Variants in HFM1 observed in about 807,000 individuals in gnomAD.
HFM1 encodes helicase for meiosis 1, also known as probable ATP-dependent DNA helicase HFM1.
Under a neutral mutation model 192.1 loss-of-function variants are expected in HFM1, and 169 were observed. That is an observed-to-expected ratio of 0.88 (90% CI 0.78 to 1.00). HFM1 has a LOEUF of 1.00. Among genes scored for constraint, HFM1 ranks in the 50% least tolerant of loss-of-function variants. The probability of loss-of-function intolerance (pLI) is 0.00; values close to 1 mark genes in which losing one functional copy is unlikely to be tolerated. For synonymous variants in HFM1, 525 were observed against 537.8 expected (o/e 0.98, Z 0.33); for missense variants, 1,661 against 1,668.0 (o/e 1.00, Z 0.07).
chr1:91,401,774 A>G (rs1664331941), intron 1 of HFM1, among the ~76,000 whole-genome samples: 1 of 152,210 alleles, frequency 6.6e-6, no homozygotes, highest in African/African-American at 2.4e-5. Flanking sequence ...GTTAATGCAT[A>G]TACTACACAC....
intron 28 of HFM1, 40 bp from the exon 29 acceptor site, chr1:91,314,100 A>T (rs1650865404): frequency 1.7e-6 from 2 of 1,171,744 alleles, no homozygotes; most frequent in African/African-American, 3.0e-5. Flanking sequence ...CCAAACACTG[A>T]ATGAAATACA....
In HFM1 at chr1:91,370,588, T is replaced by C. The variant is rs559879379; in HGVS notation, c.1685+4770A>G. 2.3e-3 allele frequency among the ~76,000 whole-genome samples: 357 copies of C among 152,290 alleles called. 2 individuals are homozygous for C. The Middle Eastern group carries it at 0.024, about 10-fold the overall frequency. ...ATAAATTAGGTATTGATTGGATGTA[T>C]CTCAAAATAATAAGAGCTATCTATG... is the stretch of plus-strand genomic sequence containing the variant. On this transcript the variant is annotated intron_variant, in intron 13 of 38. Transcript: ENST00000370425.
chr1:91,267,815 C>G lies in HFM1; in HGVS notation c.3813G>C (p.Trp1271Cys). The G allele has an allele frequency of 6.3e-7, 1 of 1,580,778 alleles. No individual in the cohort carries two copies. Among genetic ancestry groups the G allele is most frequent in the South Asian group, 1.2e-5 (1 of 84,726 alleles). Reference sequence around the variant, plus strand: ...CTAAGTTTTCATCATCAAAATCATCCCAAACTTCATTTCCCAATTCAAAGT... The same window carrying G: ...CTAAGTTTTCATCATCAAAATCATCGCAAACTTCATTTCCCAATTCAAAGT... ...NVNFELGNEV[W>C]DDFDDENLEV... Residue 1271 changes from tryptophan to cysteine, a missense_variant, in exon 35 of 39, where the codon TGG becomes TGC. Physicochemically the swap from Trp to Cys is radical, Grantham distance 215. Coordinates refer to ENST00000370425, the MANE Select transcript of HFM1 (RefSeq NM_001017975.6).
At chr1:91,365,305 T>C (rs374804798) in intron 13 of HFM1, among the ~76,000 whole-genome samples, 14 of 152,096 alleles carry the variant, frequency 9.2e-5, no homozygotes, top group Admixed American at 6.5e-4. Flanking sequence ...ATAAAGACTA[T>C]AGTTAATAAA....
At chr1:91,351,164 G>C (rs766313700) in intron 17 of HFM1, among the ~76,000 whole-genome samples, 1 of 151,624 alleles carries the variant, frequency 6.6e-6, no homozygotes, top group Non-Finnish European at 1.5e-5. Flanking sequence ...TTTACTAATA[G>C]GTTCCAGATT....
At chr1:91,292,173 T>C (rs921651530) in intron 30 of HFM1, among the ~76,000 whole-genome samples, 6 of 151,180 alleles carry the variant, frequency 4.0e-5, no homozygotes, top group African/African-American at 1.2e-4. Context: ...ACCACTCCTA[T>C]TCAACATAGT....
At chr1:91,403,627 G>A (rs572242939) in intron 1 of HFM1, among the ~76,000 whole-genome samples, 6 of 152,136 alleles carry the variant, frequency 3.9e-5, no homozygotes, top group Non-Finnish European at 7.4e-5. Context: ...TTTAGTTTCA[G>A]CACGTGGCAC....
In HFM1 at chr1:91,277,032, C is replaced by T. The variant is rs779320203; in HGVS notation, c.3422G>A (p.Arg1141Gln). 13 of 1,596,262 alleles carry T rather than the reference C, an allele frequency of 8.1e-6. No individual in the cohort carries two copies. Among genetic ancestry groups the T allele is most frequent in the Admixed American group, 3.5e-5 (2 of 57,944 alleles). The change falls in exon 31 of 39, where the codon CGA (arginine) becomes CAA (glutamine). Residue 1141 changes from arginine to glutamine, a missense_variant. By Grantham distance (43) the Arg-to-Gln change is conservative (BLOSUM62 1). Coordinates refer to ENST00000370425, the MANE Select transcript of HFM1 (RefSeq NM_001017975.6). The part of the protein sequence containing the change: ...GTTASKKPGN[R>Q]ECNHLCKSKH... ...ACTTTTACAAAGATGATTGCATTCT[C>T]GGTTCCCAGGTTTTTTGCTGGCAGT...
rs572098735 is a variant in HFM1, at chr1:91,344,656, G to A, written c.2255-1146C>T. On this transcript the variant is annotated intron_variant, in intron 19 of 38. Coordinates refer to ENST00000370425, the MANE Select transcript of HFM1 (RefSeq NM_001017975.6). ...AAACATAAGGCTAAGAACCTATATAGAATGACTGTGTAATTTTAAATCTTT... is the reference window on the plus strand; with the variant it reads ...AAACATAAGGCTAAGAACCTATATAAAATGACTGTGTAATTTTAAATCTTT... 0.013 allele frequency among the ~76,000 whole-genome samples: 6 copies of A among 480 alleles called. No homozygotes were observed. The South Asian group carries it at 0.5, about 40-fold the overall frequency. The allele number at this position is 480 out of a possible 152,430, so 0.3% of individuals were successfully genotyped here.
intron 36 of HFM1, among the ~76,000 whole-genome samples, chr1:91,263,369 C>T (rs529441003): frequency 8.5e-5 from 13 of 152,188 alleles, no homozygotes; most frequent in Admixed American, 3.3e-4. Context: ...ATCACATATA[C>T]TGATAGAATT....
At chr1:91,394,430 A>G in intron 3 of HFM1, 28 bp from the exon 4 acceptor site, 1 of 1,243,776 alleles carries the variant, frequency 8.0e-7, no homozygotes, top group Non-Finnish European at 1.1e-6. Flanking sequence ...CTTAATTATT[A>G]CATGTTCTCC....
At chr1:91,343,230 CAAA>C (rs34902756) in intron 20 of HFM1, among the ~76,000 whole-genome samples, 197 bp downstream of exon 20, 6 of 74,912 alleles carry the variant, frequency 8.0e-5, no homozygotes, top group African/African-American at 2.2e-4. Flanking sequence ...GACTCTGTCT[CAAA>C]AAAAAAAAAA....
intron 30 of HFM1, among the ~76,000 whole-genome samples, chr1:91,295,367 G>T (rs1438373718): frequency 1.3e-5 from 2 of 152,166 alleles, no homozygotes; most frequent in Non-Finnish European, 2.9e-5. Context: ...CCAAGATCAA[G>T]GTGTTGGTAG....
chr1:91,385,109 CAA>C, intron 6 of HFM1, 76 bp downstream of exon 6: 1 of 917,240 alleles, frequency 1.1e-6, no homozygotes, highest in Non-Finnish European at 1.7e-6. Flanking sequence ...CCAAAATAAA[CAA>C]ACACAATTAA....
intron 25 of HFM1, 96 bp from the exon 26 acceptor site, chr1:91,316,572 ATTTT>A: frequency 2.1e-6 from 1 of 465,178 alleles, no homozygotes; most frequent in Non-Finnish European, 3.6e-6. Context: ...AAAAAAAAAA[ATTTT>A]AAGATCCAGT....
chr1:91,305,493 C>T (rs1649462813), intron 30 of HFM1, among the ~76,000 whole-genome samples: 1 of 152,084 alleles, frequency 6.6e-6, no homozygotes, highest in Admixed American at 6.5e-5. Context: ...ATTCCAACAG[C>T]ATGTCTATAG....
chr1:91,288,995 A>C (rs1570796597), intron 30 of HFM1, among the ~76,000 whole-genome samples: 1 of 145,680 alleles, frequency 6.9e-6, no homozygotes, highest in African/African-American at 2.6e-5. Context: ...GCGGCTGGTC[A>C]GGTGGGGGCT....
chr1:91,319,360 G>A lies in HFM1; in HGVS notation c.2613C>T (p.Pro871=), dbSNP rs1651736174. 6.2e-7 allele frequency: 1 copy of A among 1,612,370 alleles called. No individual in the cohort carries two copies. Among genetic ancestry groups the A allele is most frequent in the South Asian group, 1.1e-5 (1 of 91,078 alleles). The stretch of plus-strand genomic sequence containing the variant: ...CTTGTGTCAAAGCAAAATCTTGTAT[G>A]GGAATGCATCCTAGTTGAGCCTGAA... The part of the protein sequence containing the change: ...CLIQAQLGCI[P]IQDFALTQDT... Residue 871 remains proline (P), a synonymous_variant, in exon 24 of 39, where the codon CCC becomes CCT. Transcript: ENST00000370425.
At chr1:91,315,293 G>A (rs890831823) in intron 28 of HFM1, among the ~76,000 whole-genome samples, 9 of 152,110 alleles carry the variant, frequency 5.9e-5, no homozygotes, top group African/African-American at 1.9e-4. Flanking sequence ...GACATCCTGG[G>A]AGAAAATAAT....
Sources: allele counts gnomAD v4.1 joint callset (sites outside exome capture counted in the v4.1 genomes callset), GRCh38; gene constraint gnomAD v4.1.1; transcripts MANE v1.5; gene names NCBI Gene and HGNC (gene_info 2026-07-23, HGNC 2026-07-21).